The following ECE1 variants were observed in gnomAD, a reference collection of about 807,000 sequenced individuals.
The protein encoded by ECE1 is endothelin converting enzyme 1.
ECE1 carries 35 observed loss-of-function variants against 98.6 expected under a neutral mutation model. The observed-to-expected ratio is 0.35, with a 90% confidence interval of 0.27 to 0.47. The LOEUF (loss-of-function observed/expected upper bound fraction) is 0.47. Ranked by LOEUF, ECE1 falls within the 20% of genes least tolerant of loss-of-function variation. ECE1 has a pLI of 1.00. For synonymous variants in ECE1, 394 were observed against 407.1 expected (o/e 0.97, Z 0.39); for missense variants, 814 against 1,025.3 (o/e 0.79, Z 2.81).
At chr1:21,303,453 C>G (rs1638528768) in intron 1 of ECE1, among the ~76,000 whole-genome samples, 1 of 152,330 alleles carries the variant, frequency 6.6e-6, no homozygotes, top group East Asian at 1.9e-4. Context: ...TAAAGTGGAT[C>G]TATTAATAAA....
At chr1:21,290,690 C>T (rs1429495788), upstream of ECE1, among the ~76,000 whole-genome samples, 2 of 152,218 alleles carry the variant, frequency 1.3e-5, no homozygotes, top group Non-Finnish European at 2.9e-5. This position sits in a 1 kb window ranked among gnomAD's most constrained non-coding sequence, Gnocchi z 7.3. Flanking sequence ...AATCTTAAGT[C>T]CCCCTTCAAC....
intron 2 of ECE1, chr1:21,280,142 C>T (rs2098252725): frequency 6.6e-6 from 1 of 152,424 alleles, no homozygotes; most frequent in Admixed American, 6.5e-5. Flanking sequence ...GACACACCAG[C>T]CAGCAGCAAT....
intron 2 of ECE1, chr1:21,280,043 C>T (rs2098252595): frequency 6.6e-6 from 1 of 152,286 alleles, no homozygotes; most frequent in Non-Finnish European, 1.5e-5. Context: ...GAGGAAAAAT[C>T]CCTCCAGCCT....
chr1:21,219,900 G>C lies in ECE1; in HGVS notation c.*55C>G. 1 of 1,606,378 alleles carries C rather than the reference G, an allele frequency of 6.2e-7. No individual in the cohort carries two copies. Among genetic ancestry groups the C allele is most frequent in the Admixed American group, 1.7e-5 (1 of 59,460 alleles). On this transcript the variant is annotated 3_prime_UTR_variant, in exon 19 of 19. Transcript: ENST00000374893. The surrounding 1 kb of genome is among the most constrained non-coding windows in gnomAD (Gnocchi z 4.5). Reference sequence around the variant, plus strand: ...GAGCAATGCCCTGGAGGCTGGATGGGGGTCTCGTCCTCAGCCCCTTCCCCT... The same window carrying C: ...GAGCAATGCCCTGGAGGCTGGATGGCGGTCTCGTCCTCAGCCCCTTCCCCT...
intron 8 of ECE1, among the ~76,000 whole-genome samples, chr1:21,252,856 A>T (rs1470091134): frequency 6.6e-6 from 1 of 152,180 alleles, no homozygotes; most frequent in African/African-American, 2.4e-5. Context: ...CGCTAATAAC[A>T]AAGGAATAGT....
rs1314211055 is a variant in ECE1, at chr1:21,225,700, T to C, written c.1850-260A>G. On this transcript the variant is annotated intron_variant, in intron 16 of 18. Transcript: ENST00000374893. This position sits in a 1 kb window ranked among gnomAD's most constrained non-coding sequence, Gnocchi z 5.3. ...GGGCTTGCTTTGTTTTCTTTCTTTT[T>C]TTTTTTTTTTTGAGACAGTCTCACT... is the stretch of plus-strand genomic sequence containing the variant. 1.3e-5 allele frequency among the ~76,000 whole-genome samples: 2 copies of C among 150,156 alleles called. No individual in the cohort carries two copies. The highest frequency in any genetic ancestry group is 4.9e-5 in the African/African-American group (2 of 41,028).
chr1:21,321,974 G>T (rs887568068), intron 1 of ECE1, among the ~76,000 whole-genome samples: 1 of 152,116 alleles, frequency 6.6e-6, no homozygotes, highest in African/African-American at 2.4e-5. Context: ...GCTTCCTCAG[G>T]ATCTAAGACC....
intron 8 of ECE1, among the ~76,000 whole-genome samples, chr1:21,255,624 A>G (rs28367992): frequency 6.6e-6 from 1 of 152,310 alleles, no homozygotes; most frequent in East Asian, 1.9e-4. Context: ...TTGGTGCTGG[A>G]GAGACTGGAA....
intron 7 of ECE1, among the ~76,000 whole-genome samples, chr1:21,257,066 C>T (rs1056089999): frequency 6.6e-6 from 1 of 151,996 alleles, no homozygotes; most frequent in Non-Finnish European, 1.5e-5. Flanking sequence ...CACGTGGATC[C>T]GGATGTGAAT....
Position 21,220,310 on chromosome 1 carries a change from C to T in ECE1, c.2137-179G>A, listed in dbSNP as rs191283662. Among the ~76,000 whole-genome samples the T allele has an allele frequency of 2.0e-5, 3 of 151,860 alleles. No homozygotes were observed. Among genetic ancestry groups the T allele is most frequent in the Non-Finnish European group, 4.4e-5 (3 of 67,954 alleles). ...AGGAGTTCATGACCAGCTTGGGCAA[C>T]ATGGCAAGACCCCATCTCTACAAAA... On this transcript the variant is annotated intron_variant, in intron 18 of 18. Transcript: ENST00000374893. This position sits in a 1 kb window ranked among gnomAD's most constrained non-coding sequence, Gnocchi z 5.0.
chr1:21,336,797 C>A (rs969565119), intron 1 of ECE1, among the ~76,000 whole-genome samples: 1 of 151,884 alleles, frequency 6.6e-6, no homozygotes, highest in Non-Finnish European at 1.5e-5. Context: ...GAGCCGAGAT[C>A]GCGCCACTGC....
At chr1:21,240,172 T>C (rs184923029) in intron 10 of ECE1, among the ~76,000 whole-genome samples, 1 of 141,082 alleles carries the variant, frequency 7.1e-6, no homozygotes, top group South Asian at 2.2e-4. Flanking sequence ...CTGTCTCAAT[T>C]GAAAACAAAA....
chr1:21,324,951 C>G (rs962197561), intron 1 of ECE1, among the ~76,000 whole-genome samples: 4 of 152,152 alleles, frequency 2.6e-5, no homozygotes, highest in Non-Finnish European at 2.9e-5. Context: ...TCACAAATCA[C>G]GAAAGAAGGA....
chr1:21,255,499 C>A (rs939700067), intron 8 of ECE1, among the ~76,000 whole-genome samples: 5 of 152,214 alleles, frequency 3.3e-5, no homozygotes. Flanking sequence ...CTGCGGCTGG[C>A]TCCTCTGCCA....
Position 21,257,604 on chromosome 1 carries a change from C to T in ECE1, c.763-14G>A, listed in dbSNP as rs1178337137. On this transcript the variant is annotated splice_polypyrimidine_tract_variant and intron_variant, in intron 6 of 18. Coordinates refer to ENST00000374893, the MANE Select transcript of ECE1 (RefSeq NM_001397.3). ...AGACTGGTCCACCTGGCAAGAGAAG[C>T]AGGCATGAGAGGGAATTCGTGTTGC... 1.2e-6 allele frequency: 2 copies of T among 1,614,182 alleles called. No individual in the cohort carries two copies. Among genetic ancestry groups the T allele is most frequent in the Admixed American group, 3.3e-5 (2 of 60,024 alleles).
chr1:21,287,595 G>A (rs1274517707), intron 2 of ECE1, among the ~76,000 whole-genome samples: 1 of 152,142 alleles, frequency 6.6e-6, no homozygotes, highest in Non-Finnish European at 1.5e-5. Context: ...CGGCCCAAAG[G>A]TAATAATCTG....
At chr1:21,232,045 T>A (rs2098182374) in intron 14 of ECE1, among the ~76,000 whole-genome samples, 1 of 152,258 alleles carries the variant, frequency 6.6e-6, no homozygotes, top group African/African-American at 2.4e-5. Flanking sequence ...ACAGAGCCTA[T>A]GCCATGTTCT....
intron 2 of ECE1, among the ~76,000 whole-genome samples, chr1:21,281,169 G>A (rs774698772): frequency 2.6e-5 from 4 of 151,278 alleles, no homozygotes; most frequent in Non-Finnish European, 5.9e-5. Flanking sequence ...CAGCCTGGGC[G>A]ACAGAGCAAG....
Position 21,225,106 on chromosome 1 carries a change from G to C in ECE1, c.2040+144C>G. ...ACGGTCGGCATCGCGATTGGTCCTCGCCACCCCCAATTTCGCAGAAGAGGA... is the reference window on the plus strand; with the variant it reads ...ACGGTCGGCATCGCGATTGGTCCTCCCCACCCCCAATTTCGCAGAAGAGGA... On this transcript the variant is annotated intron_variant, in intron 17 of 18. Transcript: ENST00000374893. The surrounding 1 kb of genome is among the most constrained non-coding windows in gnomAD (Gnocchi z 5.3). 9.0e-7 allele frequency: 1 copy of C among 1,117,020 alleles called. No individual in the cohort carries two copies. Among genetic ancestry groups the C allele is most frequent in the Non-Finnish European group, 1.3e-6 (1 of 784,488 alleles). The allele number at this position is 1,117,020 out of a possible 1,614,324, so 69.2% of individuals were successfully genotyped here.
Sources: gnomAD v4.1 joint callset for allele counts (sites outside exome capture counted in the v4.1 genomes callset) on GRCh38, gnomAD v4.1.1 for gene constraint, Gnocchi (gnomAD v3.1) non-coding constraint, MANE v1.5 for transcripts, NCBI Gene and HGNC (gene_info 2026-07-23, HGNC 2026-07-21) for gene names.